PEX6: variants seen among roughly 807,000 people sequenced by gnomAD.
PEX6 encodes peroxisome biogenesis factor 6.
Under a neutral mutation model 85.6 loss-of-function variants are expected in PEX6, and 55 were observed. The observed-to-expected ratio is 0.64, with a 90% CI of 0.52 to 0.80. The LOEUF is 0.80. Among genes scored for constraint, PEX6 ranks in the 30% least tolerant of loss-of-function variants. The pLI, the probability that PEX6 is intolerant of heterozygous loss-of-function variation, is 0.00. For synonymous variants in PEX6, 519 were observed against 549.1 expected (o/e 0.95, Z 0.77); for missense variants, 1,099 against 1,260.3 (o/e 0.87, Z 1.94).
At chr6:42,973,785 G>A (rs1770153034) in intron 3 of PEX6, among the ~76,000 whole-genome samples, 1 of 152,136 alleles carries the variant, frequency 6.6e-6, no homozygotes, top group Non-Finnish European at 1.5e-5. Flanking sequence ...GATCACTTGA[G>A]CCATGGAGGT....
chr6:42,966,764 G>T lies in PEX6; in HGVS notation c.1961+18C>A, dbSNP rs945015097. The T allele has an allele frequency of 4.3e-6, 7 of 1,613,610 alleles. No individual in the cohort carries two copies. In the African/African-American group the frequency reaches 8.0e-5, roughly 18 times the overall value. On this transcript the variant is annotated intron_variant, in intron 9 of 16. Transcript: ENST00000304611. ...TCCATTTCCTCTTTCCGCCTTTCCG[G>T]TGCCCACGTCCTCTTACCCTGAGTT...
Position 42,968,315 on chromosome 6 carries a change from G to A in PEX6, c.1663C>T (p.Leu555Phe), listed in dbSNP as rs1365564917. 1 of 1,614,146 alleles carries A rather than the reference G, an allele frequency of 6.2e-7. No homozygotes were observed. Reference sequence around the variant, plus strand: ...CTGTTGAGGGGGTCCTCATTGAGGAGGAGGTGACGCAGCACAGCCATCACA... The same window carrying A: ...CTGTTGAGGGGGTCCTCATTGAGGAAGAGGTGACGCAGCACAGCCATCACA... ...ARVMAVLRHLLLNEDPLNSCP... is the reference protein window; with the variant it reads ...ARVMAVLRHLFLNEDPLNSCP... The change falls in exon 7 of 17, where the codon CTC becomes TTC. Residue 555 changes from leucine to phenylalanine, a missense_variant. Around this residue, in one of 3 missense-constraint regions of PEX6, gnomAD observed 514 missense variants for 627.0 expected, o/e 0.82. Coordinates refer to ENST00000304611, the MANE Select transcript of PEX6 (RefSeq NM_000287.4).
chr6:42,971,423 A>G lies in PEX6; in HGVS notation c.1131-1436T>C, dbSNP rs1425815553. The stretch of plus-strand genomic sequence containing the variant: ...CAGTGGAGGGTGGTTGGACCACCTC[A>G]GTGAATAGAAAGGCCAGAGCTCTGG... On this transcript the variant is annotated intron_variant, in intron 3 of 16. Transcript: ENST00000304611. This position sits in a 1 kb window ranked among gnomAD's most constrained non-coding sequence, Gnocchi z 4.4. Among the ~76,000 whole-genome samples, 1 of 152,320 alleles carries G rather than the reference A, an allele frequency of 6.6e-6. No homozygotes were observed. Among genetic ancestry groups the G allele is most frequent in the South Asian group, 2.1e-4 (1 of 4,822 alleles).
Position 42,964,391 on chromosome 6 carries a change from T to C in PEX6, c.2887A>G (p.Ser963Gly), listed in dbSNP as rs747261434. Reference protein sequence around the residue: ...QAAARLQPSVSEQELLRYKRI... With the variant: ...QAAARLQPSVGEQELLRYKRI... ...TTGTACCGGAGCAGCTCCTGCTCAC[T>C]GACTGAGGGTTGCAGCCGGGCGGCA... The change falls in exon 17 of 17, where the codon AGT (serine) becomes GGT (glycine). Residue 963 changes from serine (S) to glycine (G), a missense_variant. Around this residue, in one of 3 missense-constraint regions of PEX6, gnomAD observed 514 missense variants for 627.0 expected, o/e 0.82. Coordinates refer to ENST00000304611, the MANE Select transcript of PEX6 (RefSeq NM_000287.4). This position sits in a 1 kb window ranked among gnomAD's most constrained non-coding sequence, Gnocchi z 4.6. The C allele has an allele frequency of 1.2e-6, 2 of 1,613,740 alleles. No homozygotes were observed. The highest frequency in any genetic ancestry group is 1.1e-5 in the South Asian group (1 of 91,092).
At chr6:42,974,313 G>A (rs942082782) in intron 2 of PEX6, among the ~76,000 whole-genome samples, 1 of 152,098 alleles carries the variant, frequency 6.6e-6, no homozygotes, top group African/African-American at 2.4e-5. Context: ...CAGGATCCTG[G>A]CTCTTTTGGA....
rs781459970 is a variant in PEX6, at chr6:42,966,872, G to A, written c.1885-14C>T. ...TACCACAAAGCCCTAGGGAACCACA[G>A]GAAAGGACACATGAGCAGGGCACAG... On this transcript the variant is annotated splice_polypyrimidine_tract_variant and intron_variant, in intron 8 of 16. Coordinates refer to ENST00000304611, the MANE Select transcript of PEX6 (RefSeq NM_000287.4). 1 of 1,609,340 alleles carries A rather than the reference G, an allele frequency of 6.2e-7. No individual in the cohort carries two copies. The highest frequency in any genetic ancestry group is 1.1e-5 in the South Asian group (1 of 91,038).
intron 5 of PEX6, 61 bp downstream of exon 5, chr6:42,969,607 G>C: frequency 1.2e-6 from 2 of 1,603,880 alleles, no homozygotes; most frequent in Non-Finnish European, 1.7e-6. Context: ...TCTGGCTGCT[G>C]CTCCTCCAGG....
chr6:42,976,985 T>C (rs1325935594), intron 1 of PEX6, among the ~76,000 whole-genome samples: 1 of 152,122 alleles, frequency 6.6e-6, no homozygotes, highest in African/African-American at 2.4e-5. Flanking sequence ...GAAAATGCTA[T>C]AGGAGGAAGT....
Position 42,977,251 on chromosome 6 carries a change from C to CCTTTTTTTTTTTTTT in PEX6, c.882+1017_882+1018insAAAAAAAAAAAAAAG, listed in dbSNP as rs34536442. 3.2e-5 allele frequency among the ~76,000 whole-genome samples: 4 copies of CCTTTTTTTTTTTTTT among 126,678 alleles called. 1 individual carries two copies. The highest frequency in any genetic ancestry group is 4.9e-5 in the Non-Finnish European group (3 of 61,482). 83.1% of individuals were successfully genotyped at this position (126,678 alleles called of 152,430 possible). ...ATTAACATACACATCTGAAACCTCA[C>CCTTTTTTTTTTTTTT]TTTTTTTTTTTTTTTTTTTTACACA... On this transcript the variant is annotated intron_variant, in intron 1 of 16. Transcript: ENST00000304611.
intron 2 of PEX6, among the ~76,000 whole-genome samples, 160 bp from the exon 3 acceptor site, chr6:42,974,246 C>G (rs1214352978): frequency 6.6e-6 from 1 of 152,052 alleles, no homozygotes; most frequent in Non-Finnish European, 1.5e-5. Flanking sequence ...TTAGGATGAG[C>G]TAGGGGAAAT....
At chr6:42,973,877 C>G (rs1770157302) in intron 3 of PEX6, 126 bp downstream of exon 3, 1 of 726,544 alleles carries the variant, frequency 1.4e-6, no homozygotes, top group African/African-American at 1.7e-5. Flanking sequence ...CACACACGCA[C>G]ACACAAAATA....
intron 2 of PEX6, 31 bp downstream of exon 2, chr6:42,974,844 G>A: frequency 1.3e-6 from 2 of 1,590,314 alleles, no homozygotes; most frequent in Non-Finnish European, 1.7e-6. Flanking sequence ...AGGGTGAGAA[G>A]CTATCCTCCT....
intron 1 of PEX6, among the ~76,000 whole-genome samples, chr6:42,976,355 C>A (rs985203454): frequency 6.6e-6 from 1 of 151,958 alleles, no homozygotes; most frequent in African/African-American, 2.4e-5. Flanking sequence ...TCCCCCTAAA[C>A]ACAACTTTCA....
rs1485203588 is a variant in PEX6, at chr6:42,966,346, G to A, written c.2196C>T (p.Ser732=). The A allele has an allele frequency of 6.2e-7, 1 of 1,613,670 alleles. No homozygotes were observed. The highest frequency in any genetic ancestry group is 1.3e-5 in the African/African-American group (1 of 74,910). The change falls in exon 11 of 17, where the codon AGC becomes AGT. Residue 732 remains serine, a synonymous_variant. Coordinates refer to ENST00000304611, the MANE Select transcript of PEX6 (RefSeq NM_000287.4). ...GAAGGCCTGAGCGTCTCAGGCCCAG[G>A]CTCAGTAGCTCAGGGTGCTCCAGGG... ...QLPLEHPELL[S]LGLRRSGLLL...
At chr6:42,974,608 C>T (rs1770205724) in intron 2 of PEX6, among the ~76,000 whole-genome samples, 1 of 151,726 alleles carries the variant, frequency 6.6e-6, no homozygotes, top group Non-Finnish European at 1.5e-5. Flanking sequence ...CAGGCGCCCA[C>T]CACCACACTC....
intron 3 of PEX6, among the ~76,000 whole-genome samples, chr6:42,973,441 C>T (rs1770142127): frequency 6.6e-6 from 1 of 152,150 alleles, no homozygotes; most frequent in African/African-American, 2.4e-5. Context: ...CTATATTGCC[C>T]AGCCTCCTGA....
Position 42,964,555 on chromosome 6 carries a change from C to T in PEX6, c.2807-84G>A. On this transcript the variant is annotated intron_variant, in intron 16 of 16. Coordinates refer to ENST00000304611, the MANE Select transcript of PEX6 (RefSeq NM_000287.4). This position sits in a 1 kb window ranked among gnomAD's most constrained non-coding sequence, Gnocchi z 4.6. The stretch of plus-strand genomic sequence containing the variant: ...AAGGTGGCTTCCTGCTCAGGGTCTC[C>T]TAGATGTCAATGATCTTCCCTCTGG... The T allele has an allele frequency of 4.0e-6, 6 of 1,517,116 alleles. No individual in the cohort carries two copies. Among genetic ancestry groups the T allele is most frequent in the South Asian group, 1.1e-5 (1 of 88,690 alleles). The allele number at this position is 1,517,116 out of a possible 1,614,324, so 94.0% of individuals were successfully genotyped here.
chr6:42,964,368 G>T lies in PEX6; in HGVS notation c.2910C>A (p.Tyr970Ter), dbSNP rs1448846802. The T allele has an allele frequency of 1.2e-6, 2 of 1,613,878 alleles. No homozygotes were observed. Among genetic ancestry groups the T allele is most frequent in the African/African-American group, 2.7e-5 (2 of 75,072 alleles). The change falls in exon 17 of 17, where the codon TAC becomes TAA. Residue 970 changes from tyrosine to a stop codon, truncating the protein, a stop_gained. Coordinates refer to ENST00000304611, the MANE Select transcript of PEX6 (RefSeq NM_000287.4). LOFTEE classifies it high-confidence loss of function. This position sits in a 1 kb window ranked among gnomAD's most constrained non-coding sequence, Gnocchi z 4.6. The stretch of plus-strand genomic sequence containing the variant: ...CAGCAAACTTGCGCTGGATGCGCTT[G>T]TACCGGAGCAGCTCCTGCTCACTGA... ...PSVSEQELLR[Y>*]KRIQRKFAAC
chr6:42,969,868 C>T lies in PEX6; in HGVS notation c.1233+17G>A, dbSNP rs1158919885. 1 of 1,614,138 alleles carries T rather than the reference C, an allele frequency of 6.2e-7. No individual in the cohort carries two copies. Among genetic ancestry groups the T allele is most frequent in the South Asian group, 1.1e-5 (1 of 91,082 alleles). On this transcript the variant is annotated intron_variant, in intron 4 of 16. Coordinates refer to ENST00000304611, the MANE Select transcript of PEX6 (RefSeq NM_000287.4). The stretch of plus-strand genomic sequence containing the variant: ...TCTACCCCCTGCGCTGGTCTACACC[C>T]ATCCTTGGGGCCTCACCATGTACAA...
Sources: gnomAD v4.1 joint callset for allele counts (sites outside exome capture counted in the v4.1 genomes callset) on GRCh38, gnomAD v4.1.1 for gene constraint, gnomAD v4.1.1 regional missense constraint, Gnocchi (gnomAD v3.1) non-coding constraint, MANE v1.5 for transcripts, NCBI Gene and HGNC (gene_info 2026-07-23, HGNC 2026-07-21) for gene names.